Variants in DPP6 observed in about 807,000 individuals in gnomAD.
DPP6 encodes A-type potassium channel modulatory protein DPP6.
DPP6 carries 69 observed loss-of-function variants against 122.6 expected under a neutral mutation model. The observed-to-expected ratio is 0.56, with a 90% CI of 0.46 to 0.69. DPP6 has a LOEUF of 0.69. DPP6 is among the 30% of genes least tolerant of loss of function. The pLI, the probability that DPP6 is intolerant of heterozygous loss-of-function variation, is 0.00. For missense variants in DPP6, 928 were observed against 1,116.9 expected (o/e 0.83, Z 2.41); for synonymous variants, 418 against 433.1 (o/e 0.97, Z 0.43).
chr7:154,441,245 C>T (rs1184147486), intron 1 of DPP6, among the ~76,000 whole-genome samples: 1 of 152,142 alleles, frequency 6.6e-6, no homozygotes, highest in African/African-American at 2.4e-5. Flanking sequence ...GGAATGTGAC[C>T]ACTCTAGCCC....
At chr7:154,883,656 A>T (rs1805701771) in intron 21 of DPP6, 1 of 135,024 alleles carries the variant, frequency 7.4e-6, no homozygotes, top group Non-Finnish European at 1.6e-5. Flanking sequence ...GTTTACCCAT[A>T]CACATGCTCA....
Position 154,219,301 on chromosome 7 carries a change from G to T in DPP6, c.243+166238G>T, listed in dbSNP as rs565056373. 3.9e-5 allele frequency among the ~76,000 whole-genome samples: 6 copies of T among 152,316 alleles called. No homozygotes were observed. In the East Asian group the frequency reaches 1.2e-3, roughly 29 times the overall value. On this transcript the variant is annotated intron_variant, in intron 1 of 25. Coordinates refer to ENST00000377770, the MANE Select transcript of DPP6 (RefSeq NM_130797.4). Reference sequence around the variant, plus strand: ...GGATAAGATTCCACCCAGCAAATCTGCCTACTCAGGCAGTAGTGGGAGTTA... The same window carrying T: ...GGATAAGATTCCACCCAGCAAATCTTCCTACTCAGGCAGTAGTGGGAGTTA...
chr7:153,819,067 C>CTTTT, the DPP6 span, among the ~76,000 whole-genome samples: 6 of 68,534 alleles, frequency 8.8e-5, no homozygotes, highest in Non-Finnish European at 1.1e-4. Flanking sequence ...TTTTTTTCCC[C>CTTTT]TTTTCTTTTC....
At chr7:154,167,445 T>C (rs1031451980) in intron 1 of DPP6, among the ~76,000 whole-genome samples, 1 of 152,258 alleles carries the variant, frequency 6.6e-6, no homozygotes, top group Non-Finnish European at 1.5e-5. Flanking sequence ...GTTTCTATTT[T>C]TTAAGTGAGC....
chr7:154,374,158 G>A (rs1468082151), intron 1 of DPP6, among the ~76,000 whole-genome samples: 1 of 151,948 alleles, frequency 6.6e-6, no homozygotes, highest in African/African-American at 2.4e-5. Context: ...AGATTTTGGA[G>A]TTAGACAGAC....
chr7:154,109,084 CTCT>C (rs1249390931), intron 1 of DPP6, among the ~76,000 whole-genome samples: 5 of 152,346 alleles, frequency 3.3e-5, no homozygotes, highest in South Asian at 2.1e-4. Context: ...CTTGTGGTCT[CTCT>C]TCTTTAGCGT....
chr7:154,281,053 C>T (rs1386407801), intron 1 of DPP6, among the ~76,000 whole-genome samples: 2 of 151,290 alleles, frequency 1.3e-5, no homozygotes, highest in African/African-American at 2.4e-5. Flanking sequence ...TGCTCTGTCA[C>T]CCAGGCTGGC....
At chr7:153,749,785 C>A in the DPP6 span, among the ~76,000 whole-genome samples, 8 of 152,222 alleles carry the variant, frequency 5.3e-5, no homozygotes, top group East Asian at 1.5e-3. The surrounding 1 kb of genome is among the most constrained non-coding windows in gnomAD (Gnocchi z 4.1). Flanking sequence ...ATTCCTTACC[C>A]GGGTTACATA....
the DPP6 span, among the ~76,000 whole-genome samples, chr7:153,831,489 G>A: frequency 6.6e-6 from 1 of 152,130 alleles, no homozygotes; most frequent in Admixed American, 6.5e-5. Context: ...ACAGCAGGGG[G>A]TGGCAAACGT....
intron 15 of DPP6, 36 bp downstream of exon 15, chr7:154,805,000 C>G (rs113463459): frequency 2.9e-5 from 46 of 1,573,920 alleles, no homozygotes; most frequent in South Asian, 1.6e-4. Flanking sequence ...GGGCTCTCCC[C>G]CTTAGGAGGG....
rs1288970306 is a variant in DPP6 at position 154,731,523 on chromosome 7, C to G, written c.883+3636C>G. The stretch of plus-strand genomic sequence containing the variant: ...GTTTACTGAAGCAGTCGCCCACATG[C>G]CAGAATGTGAGCTCAACACTGGCTG... On this transcript the variant is annotated intron_variant, in intron 8 of 25. Transcript: ENST00000377770. Among the ~76,000 whole-genome samples, 3 of 152,300 alleles carry G rather than the reference C, an allele frequency of 2.0e-5. No individual in the cohort carries two copies. In the East Asian group the frequency reaches 5.8e-4, roughly 29 times the overall value.
At chr7:154,284,965 A>G (rs1804758309) in intron 1 of DPP6, among the ~76,000 whole-genome samples, 1 of 152,230 alleles carries the variant, frequency 6.6e-6, no homozygotes, top group Non-Finnish European at 1.5e-5. Context: ...AGCTAACCTC[A>G]TAGAGACAGA....
intron 7 of DPP6, among the ~76,000 whole-genome samples, chr7:154,727,503 A>G (rs1259602535): frequency 2.0e-5 from 3 of 152,218 alleles, no homozygotes; most frequent in Non-Finnish European, 4.4e-5. Context: ...TTAAGTAGCT[A>G]GAAGTATCAG....
chr7:154,602,975 C>T (rs74459188), intron 5 of DPP6, among the ~76,000 whole-genome samples: 4,375 of 68,284 alleles, frequency 0.064, 907 homozygotes, highest in African/African-American at 0.13. Flanking sequence ...AGAATTATTT[C>T]GCTTTCATTT....
chr7:153,886,340 A>T (rs1164575509), upstream of DPP6, among the ~76,000 whole-genome samples: 1 of 152,140 alleles, frequency 6.6e-6, no homozygotes, highest in African/African-American at 2.4e-5. Flanking sequence ...GGAGACGGGA[A>T]CCCAGGTCGC....
rs891056548 is a variant in DPP6 at position 154,053,150 on chromosome 7, G to T, written c.243+87G>T. ...CGCGTCGGCAGGGGAAATTTTTTTT[G>T]GGGGGGGAATCAGGCGCCCTCCCCC... is the stretch of plus-strand genomic sequence containing the variant. On this transcript the variant is annotated intron_variant, in intron 1 of 25. Transcript: ENST00000377770. 92 of 916,728 alleles carry T rather than the reference G, an allele frequency of 1.0e-4. 1 individual carries two copies. Among genetic ancestry groups the T allele is most frequent in the Non-Finnish European group, 1.1e-4 (86 of 766,166 alleles). 56.8% of individuals were successfully genotyped at this position (916,728 alleles called of 1,614,324 possible).
At chr7:153,995,864 C>T (rs1274076710) in intron 1 of DPP6, among the ~76,000 whole-genome samples, 2 of 152,194 alleles carry the variant, frequency 1.3e-5, no homozygotes, top group Non-Finnish European at 2.9e-5. Flanking sequence ...TCCAAGGAGT[C>T]GTTGACAGAC....
At chr7:153,862,162 CA>C in the DPP6 span, among the ~76,000 whole-genome samples, 1 of 152,170 alleles carries the variant, frequency 6.6e-6, no homozygotes, top group East Asian at 1.9e-4. Flanking sequence ...CGAGGAGGCA[CA>C]AAAGTTATTT....
At chr7:154,261,041 A>G (rs1445393754) in intron 1 of DPP6, among the ~76,000 whole-genome samples, 6 of 151,982 alleles carry the variant, frequency 3.9e-5, no homozygotes, top group Non-Finnish European at 5.9e-5. Flanking sequence ...AACTGCAGGC[A>G]CATGCCACCA....
Sources: allele counts gnomAD v4.1 joint callset (sites outside exome capture counted in the v4.1 genomes callset), GRCh38; gene constraint gnomAD v4.1.1; non-coding constraint Gnocchi (gnomAD v3.1); transcripts MANE v1.5; gene names NCBI Gene and HGNC (gene_info 2026-07-23, HGNC 2026-07-21).